The following TIAM2 variants were observed in gnomAD, a reference collection of about 807,000 sequenced individuals.
The protein encoded by TIAM2 is TIAM Rac1 associated GEF 2, also known as rho guanine nucleotide exchange factor TIAM2.
Under a neutral mutation model 152.9 loss-of-function variants are expected in TIAM2, and 80 were observed. The ratio of observed to expected loss-of-function variants is 0.52; its 90% CI spans 0.44 to 0.63. The LOEUF (loss-of-function observed/expected upper bound fraction) is 0.63, where lower values mean the gene tolerates loss of function less well. Ranked by LOEUF, TIAM2 falls within the 30% of genes least tolerant of loss-of-function variation. The pLI is 0.00. For synonymous variants in TIAM2, 804 were observed against 838.0 expected (o/e 0.96, Z 0.70); for missense variants, 1,965 against 2,120.1 (o/e 0.93, Z 1.44).
At chr6:155,181,583 G>A (rs749424867) in intron 12 of TIAM2, among the ~76,000 whole-genome samples, 20 of 151,892 alleles carry the variant, frequency 1.3e-4, no homozygotes, top group Non-Finnish European at 2.2e-4. Flanking sequence ...AAATCTTTTC[G>A]TCTTGTAAAG....
chr6:155,190,791 A>G (rs372754822), intron 14 of TIAM2, among the ~76,000 whole-genome samples: 5 of 152,182 alleles, frequency 3.3e-5, no homozygotes, highest in East Asian at 3.9e-4. Flanking sequence ...CTATGAAACT[A>G]TTGGCTGCTG....
At chr6:155,197,589 G>C (rs1194570329) in intron 14 of TIAM2, among the ~76,000 whole-genome samples, 1 of 152,118 alleles carries the variant, frequency 6.6e-6, no homozygotes, top group Non-Finnish European at 1.5e-5. Flanking sequence ...ACCCGAGACT[G>C]AGTAATTTAT....
At chr6:155,044,226 A>C (rs551435059) in intron 1 of TIAM2, among the ~76,000 whole-genome samples, 62 of 152,120 alleles carry the variant, frequency 4.1e-4, no homozygotes, top group Non-Finnish European at 1.5e-4. Context: ...CGTCCTGCCC[A>C]GTCACACAGG....
At chr6:155,103,843 C>T (rs1284587068) in intron 2 of TIAM2, among the ~76,000 whole-genome samples, 3 of 151,510 alleles carry the variant, frequency 2.0e-5, no homozygotes, top group Non-Finnish European at 4.4e-5. Flanking sequence ...ATTTCCTTCT[C>T]CTGCACAATT....
At chr6:155,204,108 C>T (rs145673700) in intron 14 of TIAM2, among the ~76,000 whole-genome samples, 19 of 152,198 alleles carry the variant, frequency 1.2e-4, no homozygotes, top group African/African-American at 3.9e-4. Context: ...GCACATTGTT[C>T]GACTGGACCT....
At chr6:155,153,702 A>C (rs1284796470) in intron 7 of TIAM2, among the ~76,000 whole-genome samples, 1 of 144,482 alleles carries the variant, frequency 6.9e-6, no homozygotes, top group Non-Finnish European at 1.5e-5. Context: ...GCTCACTGCA[A>C]CCTCCACCTG....
intron 14 of TIAM2, among the ~76,000 whole-genome samples, chr6:155,202,273 C>T (rs1419604845): frequency 2.0e-5 from 3 of 152,064 alleles, no homozygotes; most frequent in Non-Finnish European, 4.4e-5. Context: ...GAAATATTTG[C>T]CTGGATGGCA....
At chr6:155,081,568 T>G (rs918306325) in intron 1 of TIAM2, among the ~76,000 whole-genome samples, 38 of 152,254 alleles carry the variant, frequency 2.5e-4, no homozygotes, top group Admixed American at 2.5e-3. Context: ...CATGGTTAAC[T>G]TCTAGGAACC....
At chr6:155,003,264 T>C (rs1406460730) in intron 1 of TIAM2, among the ~76,000 whole-genome samples, 1 of 152,146 alleles carries the variant, frequency 6.6e-6, no homozygotes, top group Non-Finnish European at 1.5e-5. Flanking sequence ...TATTGGATAT[T>C]AACAGCTCTA....
At chr6:155,182,141 T>C (rs1053472058) in intron 12 of TIAM2, 85 bp from the exon 13 acceptor site, 2 of 1,072,458 alleles carry the variant, frequency 1.9e-6, no homozygotes, top group African/African-American at 3.1e-5. Flanking sequence ...TGAGAAAAGA[T>C]GTTCAAGGAG....
In TIAM2 at chr6:155,256,868, G is replaced by A. The variant is rs1383533321; in HGVS notation, c.4853G>A (p.Gly1618Asp). The change falls in exon 27 of 27, where the codon GGT (glycine) becomes GAT (aspartate). Residue 1618 changes from glycine to aspartate, a missense_variant. Physicochemically the swap from Gly to Asp is moderately conservative, Grantham distance 94. Transcript: ENST00000682666. ...CAGCCTGGCCCGGAGTCGGGTGAGGGTCAGAAAGGAGGAGAGCAGCCCAAA... is the reference window on the plus strand; with the variant it reads ...CAGCCTGGCCCGGAGTCGGGTGAGGATCAGAAAGGAGGAGAGCAGCCCAAA... ...EQQPGPESGE[G>D]QKGGEQPKLV... 1.2e-6 allele frequency: 2 copies of A among 1,614,078 alleles called. No individual in the cohort carries two copies. The highest frequency in any genetic ancestry group is 2.7e-5 in the African/African-American group (2 of 74,926).
intron 2 of TIAM2, among the ~76,000 whole-genome samples, chr6:155,111,976 G>A (rs1778863560): frequency 1.3e-5 from 2 of 152,148 alleles, no homozygotes; most frequent in East Asian, 1.9e-4. Flanking sequence ...CTGTTCACAG[G>A]GACCTGCATA....
chr6:155,144,622 T>C lies in TIAM2; in HGVS notation c.1647T>C (p.Phe549=), dbSNP rs756694391. 3 of 1,546,990 alleles carry C rather than the reference T, an allele frequency of 1.9e-6. No homozygotes were observed. The highest frequency in any genetic ancestry group is 2.6e-6 in the Non-Finnish European group (3 of 1,154,312). ...WVTLKGCTLL[F]YETYGKNSMD... ...GTTTCACAGGATGCACGCTGCTGTT[T>C]TATGAGACCTATGGGAAGAATTCCA... is the stretch of plus-strand genomic sequence containing the variant. The change falls in exon 6 of 27, where the codon TTT becomes TTC. Residue 549 remains phenylalanine (F), a synonymous_variant. Coordinates refer to ENST00000682666, the MANE Select transcript of TIAM2 (RefSeq NM_012454.4).
At chr6:155,161,007 A>G (rs1780254626) in intron 7 of TIAM2, among the ~76,000 whole-genome samples, 1 of 152,188 alleles carries the variant, frequency 6.6e-6, no homozygotes, top group Admixed American at 6.5e-5. Context: ...CCTTTGGGCT[A>G]TTGGGGTGTC....
At chr6:155,073,159 CTTTT>C (rs34459359) in intron 1 of TIAM2, among the ~76,000 whole-genome samples, 9 of 105,342 alleles carry the variant, frequency 8.5e-5, no homozygotes, top group Admixed American at 7.8e-4. Flanking sequence ...TGATTAAGTT[CTTTT>C]TTTTTTTTTT....
At chr6:155,196,036 G>T (rs1781339295) in intron 14 of TIAM2, among the ~76,000 whole-genome samples, 1 of 152,206 alleles carries the variant, frequency 6.6e-6, no homozygotes, top group South Asian at 2.1e-4. Flanking sequence ...GATCTGACGA[G>T]TGATTGGTAA....
chr6:155,035,345 C>A (rs1776903446), intron 1 of TIAM2, among the ~76,000 whole-genome samples: 1 of 151,928 alleles, frequency 6.6e-6, no homozygotes, highest in African/African-American at 2.4e-5. Context: ...CCTCAGCTTC[C>A]CGAGTAGCTG....
chr6:155,178,813 G>C (rs527915216), intron 10 of TIAM2, among the ~76,000 whole-genome samples: 116 of 152,228 alleles, frequency 7.6e-4, no homozygotes, highest in African/African-American at 2.6e-3. Context: ...GACCTCAAGT[G>C]ATCCACCCGC....
chr6:155,129,536 G>A lies in TIAM2; in HGVS notation c.313G>A (p.Gly105Ser), dbSNP rs1408345784. 1 of 1,614,106 alleles carries A rather than the reference G, an allele frequency of 6.2e-7. No homozygotes were observed. The highest frequency in any genetic ancestry group is 1.7e-5 in the Admixed American group (1 of 60,000). The stretch of plus-strand genomic sequence containing the variant: ...AAATGCCCCAGGGAAGGATTTCCAG[G>A]GCATCAGTGCTGCTTTCTCAACTGA... ...RTNAPGKDFQ[G>S]ISAAFSTENG... Residue 105 changes from glycine (G) to serine (S), a missense_variant, in exon 4 of 27, where the codon GGC becomes AGC. Physicochemically the swap from Gly to Ser is moderately conservative, Grantham distance 56. This residue lies in a region of TIAM2 where 1,025 missense variants were observed against 1,119.4 expected (regional missense o/e 0.92). Transcript: ENST00000682666. The surrounding 1 kb of genome is among the most constrained non-coding windows in gnomAD (Gnocchi z 4.8).
Sources: gnomAD v4.1 joint callset for allele counts (sites outside exome capture counted in the v4.1 genomes callset) on GRCh38, gnomAD v4.1.1 for gene constraint, gnomAD v4.1.1 regional missense constraint, Gnocchi (gnomAD v3.1) non-coding constraint, MANE v1.5 for transcripts, NCBI Gene and HGNC (gene_info 2026-07-23, HGNC 2026-07-21) for gene names.